The following FOCAD variants were observed in gnomAD, a reference collection of about 807,000 sequenced individuals.
The protein encoded by FOCAD is KIAA1797.
A neutral mutation model predicts 225.6 loss-of-function variants in FOCAD; 198 were observed. The observed-to-expected ratio is 0.88, with a 90% CI of 0.78 to 0.99. The LOEUF is 0.99. FOCAD is among the 50% of genes least tolerant of loss of function. The pLI, the probability that FOCAD is intolerant of heterozygous loss-of-function variation, is 0.00. For synonymous variants in FOCAD, 897 were observed against 755.0 expected (o/e 1.19, Z -3.08); for missense variants, 2,713 against 2,123.6 (o/e 1.28, Z -5.46).
chr9:20,741,976 C>T (rs577891220), intron 5 of FOCAD, among the ~76,000 whole-genome samples: 4 of 152,158 alleles, frequency 2.6e-5, no homozygotes, highest in African/African-American at 9.6e-5. Flanking sequence ...AGATATAATT[C>T]ACATATGAGT....
At chr9:20,980,498 G>GTTTA (rs1325939463) in intron 37 of FOCAD, among the ~76,000 whole-genome samples, 1,607 of 68,604 alleles carry the variant, frequency 0.023, 28 homozygotes, top group African/African-American at 0.078. Context: ...TGTTATCTTG[G>GTTTA]TTAATAAATT....
intron 2 of FOCAD, among the ~76,000 whole-genome samples, chr9:20,716,695 A>G (rs2131519404): frequency 6.6e-6 from 1 of 152,234 alleles, no homozygotes; most frequent in East Asian, 1.9e-4. Context: ...CGATGTTAGC[A>G]CCATATTTCT....
intron 35 of FOCAD, among the ~76,000 whole-genome samples, chr9:20,958,472 G>A (rs896861923): frequency 2.0e-5 from 3 of 152,122 alleles, no homozygotes; most frequent in East Asian, 1.9e-4. Flanking sequence ...ATGATATTAT[G>A]TATAGTGATC....
intron 42 of FOCAD, 141 bp downstream of exon 42, chr9:20,990,515 T>C (rs1841558090): frequency 9.4e-7 from 1 of 1,068,312 alleles, no homozygotes. Flanking sequence ...CTCAGCCAGA[T>C]GCAGAGTCTC....
At chr9:20,784,063 T>C (rs776962544) in intron 10 of FOCAD, among the ~76,000 whole-genome samples, 1 of 152,178 alleles carries the variant, frequency 6.6e-6, no homozygotes, top group Admixed American at 6.5e-5. Context: ...CCCCAGACAA[T>C]GCTGAGAGTC....
chr9:20,861,482 C>G (rs896781312), intron 15 of FOCAD, among the ~76,000 whole-genome samples: 3 of 152,098 alleles, frequency 2.0e-5, no homozygotes, highest in Admixed American at 6.6e-5. Flanking sequence ...GTAGGGGATC[C>G]CAAATCAAAG....
At chr9:20,917,581 C>T (rs1415208175) in intron 24 of FOCAD, among the ~76,000 whole-genome samples, 3 of 152,054 alleles carry the variant, frequency 2.0e-5, no homozygotes, top group African/African-American at 7.2e-5. Flanking sequence ...CAGTAAGTTA[C>T]ATGCCAGTTA....
chr9:20,759,814 A>G (rs1486584078), intron 6 of FOCAD, among the ~76,000 whole-genome samples: 1 of 152,260 alleles, frequency 6.6e-6, no homozygotes, highest in Admixed American at 6.5e-5. Context: ...AGAATAATTC[A>G]GTAAGCTACT....
rs749263288 is a variant in FOCAD at position 20,949,636 on chromosome 9, T to C, written c.3909T>C (p.Phe1303=). The change falls in exon 33 of 44, where the codon TTT becomes TTC. Residue 1303 remains phenylalanine, a synonymous_variant. Coordinates refer to ENST00000338382, the MANE Select transcript of FOCAD (RefSeq NM_001375567.1). ...LKSEAIQTSH[F]QGRLNEVIRT... ...CAGAAGCCATCCAGACCTCTCATTT[T>C]CAAGGCAGACTTAATGAAGTCATTA... The C allele has an allele frequency of 1.2e-6, 2 of 1,613,338 alleles. No homozygotes were observed. Among genetic ancestry groups the C allele is most frequent in the Non-Finnish European group, 8.5e-7 (1 of 1,179,450 alleles).
rs547820414 is a variant in FOCAD at position 20,972,857 on chromosome 9, C to A, written c.4133-3563C>A. ...CTCCTTGTTCCCATGCTTCTCCTTT[C>A]TGCAGCTATTTTACCTTATGCTGAC... is the stretch of plus-strand genomic sequence containing the variant. On this transcript the variant is annotated intron_variant, in intron 35 of 43. Coordinates refer to ENST00000338382, the MANE Select transcript of FOCAD (RefSeq NM_001375567.1). Among the ~76,000 whole-genome samples the A allele has an allele frequency of 2.6e-5, 4 of 152,288 alleles. No homozygotes were observed. In the South Asian group the frequency reaches 8.3e-4, roughly 32 times the overall value.
At chr9:20,948,706 T>A in intron 31 of FOCAD, 145 bp from the exon 32 acceptor site, 1 of 792,430 alleles carries the variant, frequency 1.3e-6, no homozygotes, top group South Asian at 1.9e-5. Flanking sequence ...TCTGCTGCCA[T>A]TTTTGGTTCA....
At chr9:20,775,942 G>T (rs1002928129) in intron 8 of FOCAD, among the ~76,000 whole-genome samples, 8 of 150,160 alleles carry the variant, frequency 5.3e-5, no homozygotes, top group Non-Finnish European at 1.0e-4. Context: ...TTATTTTCAG[G>T]CTCTGAGTTA....
intron 35 of FOCAD, among the ~76,000 whole-genome samples, chr9:20,965,017 A>G (rs1417546019): frequency 6.6e-6 from 1 of 152,152 alleles, no homozygotes; most frequent in Non-Finnish European, 1.5e-5. Flanking sequence ...GATCAGAAGT[A>G]TGGATTTATA....
intron 39 of FOCAD, among the ~76,000 whole-genome samples, chr9:20,982,699 C>T (rs1840808507): frequency 6.6e-6 from 1 of 152,194 alleles, no homozygotes; most frequent in African/African-American, 2.4e-5. Context: ...TTGTCCTTCA[C>T]CTGATCCTAT....
At chr9:20,689,630 A>G (rs1380927561) in intron 1 of FOCAD, among the ~76,000 whole-genome samples, 1 of 152,180 alleles carries the variant, frequency 6.6e-6, no homozygotes, top group East Asian at 1.9e-4. Flanking sequence ...CTTATTGACT[A>G]TGGTGTCAGT....
At chr9:20,908,252 A>C (rs1833149331) in intron 22 of FOCAD, among the ~76,000 whole-genome samples, 1 of 152,058 alleles carries the variant, frequency 6.6e-6, no homozygotes, top group Non-Finnish European at 1.5e-5. Context: ...GAAGGCTTAA[A>C]AGTGAGGTAT....
In FOCAD at chr9:20,874,284, A is replaced by G. The variant is rs187807503; in HGVS notation, c.2191-397A>G. Reference sequence around the variant, plus strand: ...ATATGACTAGAATCACAAATTTTTTAAAAAGTGTTCAGACAAGGCAAATAT... The same window carrying G: ...ATATGACTAGAATCACAAATTTTTTGAAAAGTGTTCAGACAAGGCAAATAT... On this transcript the variant is annotated intron_variant, in intron 18 of 43. Transcript: ENST00000338382. 13 of 161,834 alleles carry G rather than the reference A, an allele frequency of 8.0e-5. No individual in the cohort carries two copies. The East Asian group carries it at 2.2e-3, about 28-fold the overall frequency. 10.0% of individuals were successfully genotyped at this position (161,834 alleles called of 1,614,324 possible).
Position 20,949,502 on chromosome 9 carries a change from C to G in FOCAD, c.3877-102C>G, listed in dbSNP as rs1837490507. ...TGAAATAGAAGGACATAATGATAAA[C>G]TGTTTTATAACTTAGAAGATGGATA... On this transcript the variant is annotated intron_variant, in intron 32 of 43. Transcript: ENST00000338382. The G allele has an allele frequency of 1.5e-5, 11 of 750,590 alleles. No homozygotes were observed. In the South Asian group the frequency reaches 1.7e-4, roughly 12 times the overall value. The allele number at this position is 750,590 out of a possible 1,614,324, so 46.5% of individuals were successfully genotyped here.
At position 20,694,968 on chromosome 9, in the gene FOCAD, A is replaced by G. The variant is rs118113170; in HGVS notation, c.-33+10675A>G. Among the ~76,000 whole-genome samples, 1,337 of 152,282 alleles carry G rather than the reference A, an allele frequency of 8.8e-3. 12 individuals are homozygous for G. Among genetic ancestry groups the G allele is most frequent in the Non-Finnish European group, 0.015 (1,007 of 67,996 alleles). On this transcript the variant is annotated intron_variant, in intron 1 of 43. Transcript: ENST00000338382. ...CCAAATATAATATAATTTGGTTACTATGTCTGTTTAGTCACTTATTCTGTA... is the reference window on the plus strand; with the variant it reads ...CCAAATATAATATAATTTGGTTACTGTGTCTGTTTAGTCACTTATTCTGTA...
Sources: gnomAD v4.1 joint callset for allele counts (sites outside exome capture counted in the v4.1 genomes callset) on GRCh38, gnomAD v4.1.1 for gene constraint, MANE v1.5 for transcripts, NCBI Gene and HGNC (gene_info 2026-07-23, HGNC 2026-07-21) for gene names.